GPATCH1: variants seen among roughly 807,000 people sequenced by gnomAD.
GPATCH1 encodes the protein G patch domain-containing protein 1.
GPATCH1 carries 73 observed loss-of-function variants against 114.9 expected under a neutral mutation model. The observed-to-expected ratio is 0.64, with a 90% CI of 0.53 to 0.77. The LOEUF (loss-of-function observed/expected upper bound fraction) is 0.77. Ranked by LOEUF, GPATCH1 falls within the 30% of genes least tolerant of loss-of-function variation. GPATCH1 has a pLI of 0.00. For missense variants in GPATCH1, 1,058 were observed against 1,144.3 expected (o/e 0.92, Z 1.09); for synonymous variants, 391 against 428.4 (o/e 0.91, Z 1.08).
Position 33,113,909 on chromosome 19 carries a change from T to C in GPATCH1, c.2029+6T>C. The C allele has an allele frequency of 6.2e-7, 1 of 1,613,550 alleles. No individual in the cohort carries two copies. ...ACAGCACCGAGGTCCCGACAGTGAG[T>C]AGGGCGTCCCCGGGGTCTCTGATTG... On this transcript the variant is annotated splice_donor_region_variant and intron_variant, in intron 14 of 19. Coordinates refer to ENST00000170564, the MANE Select transcript of GPATCH1 (RefSeq NM_018025.3).
chr19:33,111,332 A>G (rs6510349), intron 11 of GPATCH1, among the ~76,000 whole-genome samples: 61,311 of 148,878 alleles, frequency 0.41, 16,009 homozygotes, highest in African/African-American at 0.73. Context: ...TGCAGTAAGC[A>G]GAGATCATGC....
At chr19:33,090,451 G>A (rs1161543745) in intron 2 of GPATCH1, among the ~76,000 whole-genome samples, 4 of 152,116 alleles carry the variant, frequency 2.6e-5, no homozygotes, top group African/African-American at 9.7e-5. Flanking sequence ...CTGGTCTCAC[G>A]TCCTGCATTT....
At chr19:33,095,347 C>T (rs1024461541) in intron 5 of GPATCH1, among the ~76,000 whole-genome samples, 4 of 148,390 alleles carry the variant, frequency 2.7e-5, no homozygotes, top group African/African-American at 1.0e-4. Flanking sequence ...ACTGCAACCT[C>T]TGCTTCCCGG....
intron 5 of GPATCH1, among the ~76,000 whole-genome samples, chr19:33,095,257 G>GTTTT (rs940614947): frequency 2.8e-4 from 31 of 109,276 alleles, no homozygotes; most frequent in Non-Finnish European, 3.7e-4. Context: ...TATCAGTGAG[G>GTTTT]TTTTTTTTTT....
At chr19:33,105,435 G>GAA (rs1442867888) in intron 9 of GPATCH1, among the ~76,000 whole-genome samples, 2 of 146,762 alleles carry the variant, frequency 1.4e-5, no homozygotes, top group Non-Finnish European at 3.0e-5. Flanking sequence ...AAAAGAAAAA[G>GAA]AAAAAAGAAA....
chr19:33,098,042 C>G (rs1972683939), intron 8 of GPATCH1, 140 bp downstream of exon 8: 3 of 850,880 alleles, frequency 3.5e-6, no homozygotes, highest in South Asian at 1.7e-5. Context: ...AAGCGAGGCC[C>G]AGCATGGGAA....
chr19:33,102,410 T>TG, intron 9 of GPATCH1, among the ~76,000 whole-genome samples: 1 of 151,220 alleles, frequency 6.6e-6, no homozygotes, highest in African/African-American at 2.4e-5. Flanking sequence ...TTTTTTTTTT[T>TG]TTTTGAGATG....
intron 3 of GPATCH1, among the ~76,000 whole-genome samples, chr19:33,092,432 T>C (rs1972607038): frequency 6.6e-6 from 1 of 152,182 alleles, no homozygotes; most frequent in Non-Finnish European, 1.5e-5. Context: ...CAAATTGTTT[T>C]ACATGCCCAT....
chr19:33,107,046 T>C (rs1433704602), intron 10 of GPATCH1, 147 bp downstream of exon 10: 12 of 627,754 alleles, frequency 1.9e-5, no homozygotes, highest in Non-Finnish European at 3.4e-5. Flanking sequence ...GTAAATGGCA[T>C]ACATAATAGT....
intron 7 of GPATCH1, among the ~76,000 whole-genome samples, chr19:33,096,980 T>C (rs1354145821): frequency 7.4e-6 from 1 of 134,470 alleles, no homozygotes; most frequent in Non-Finnish European, 1.6e-5. Flanking sequence ...AGTTTGACTC[T>C]TGTTGCCCAG....
intron 10 of GPATCH1, among the ~76,000 whole-genome samples, chr19:33,108,295 A>T (rs1972809720): frequency 1.3e-5 from 2 of 151,982 alleles, no homozygotes; most frequent in South Asian, 4.1e-4. Context: ...CACCTACAGA[A>T]ACCTCCAGGC....
chr19:33,091,139 C>A (rs770452465), intron 3 of GPATCH1, among the ~76,000 whole-genome samples: 3 of 151,992 alleles, frequency 2.0e-5, no homozygotes, highest in Non-Finnish European at 4.4e-5. Flanking sequence ...TGGCTGGGTG[C>A]GGTGGCTCAC....
chr19:33,102,881 G>A (rs1972743032), intron 9 of GPATCH1, among the ~76,000 whole-genome samples: 1 of 152,240 alleles, frequency 6.6e-6, no homozygotes, highest in African/African-American at 2.4e-5. Context: ...GCAGGGGCAA[G>A]GTTCCCTGGC....
intron 6 of GPATCH1, 144 bp downstream of exon 6, chr19:33,095,964 T>C: frequency 2.6e-6 from 2 of 758,730 alleles, no homozygotes; most frequent in Non-Finnish European, 2.3e-6. Context: ...ATCCTCATTA[T>C]ATCAGCATAC....
chr19:33,093,158 G>A (rs868068932), intron 3 of GPATCH1, among the ~76,000 whole-genome samples: 1 of 152,128 alleles, frequency 6.6e-6, no homozygotes, highest in South Asian at 2.1e-4. Flanking sequence ...ACTGCACTCC[G>A]GCCTGGGCAA....
chr19:33,088,322 T>C (rs1972556643), intron 2 of GPATCH1, 54 bp downstream of exon 2: 3 of 1,311,772 alleles, frequency 2.3e-6, no homozygotes, highest in Non-Finnish European at 3.2e-6. Flanking sequence ...GATCAAAATA[T>C]TGATTCTCCC....
chr19:33,083,223 G>C (rs12977146), intron 1 of GPATCH1, among the ~76,000 whole-genome samples: 27,050 of 125,678 alleles, frequency 0.22, 3,451 homozygotes, highest in East Asian at 0.35. Flanking sequence ...CAGCCTGGGC[G>C]ACAGAGCGAG....
chr19:33,081,611 A>C (rs200533332), intron 1 of GPATCH1, among the ~76,000 whole-genome samples: 9 of 152,138 alleles, frequency 5.9e-5, no homozygotes, highest in Non-Finnish European at 1.3e-4. Context: ...GAAAACAACC[A>C]TGAGCAAATC....
rs773849898 is a variant in GPATCH1 at position 33,125,098 on chromosome 19, G to A, written c.2522-7G>A. 30 of 1,592,490 alleles carry A rather than the reference G, an allele frequency of 1.9e-5. No homozygotes were observed. In the South Asian group the frequency reaches 3.3e-4, roughly 18 times the overall value. Reference sequence around the variant, plus strand: ...TAGGTCCTGTGTTTATTACCTTTGTGTTTCAGATGCTCGTCAGACACTTGA... The same window carrying A: ...TAGGTCCTGTGTTTATTACCTTTGTATTTCAGATGCTCGTCAGACACTTGA... On this transcript the variant is annotated splice_region_variant and splice_polypyrimidine_tract_variant and intron_variant, in intron 17 of 19. Transcript: ENST00000170564.
Sources: allele counts gnomAD v4.1 joint callset (sites outside exome capture counted in the v4.1 genomes callset), GRCh38; gene constraint gnomAD v4.1.1; transcripts MANE v1.5; gene names NCBI Gene and HGNC (gene_info 2026-07-23, HGNC 2026-07-21).